The following SLC35F4 variants were observed in gnomAD, a reference collection of about 807,000 sequenced individuals.
The protein encoded by SLC35F4 is chromosome 14 open reading frame 36.
SLC35F4 carries 24 observed loss-of-function variants against 44.2 expected under a neutral mutation model. The observed-to-expected ratio is 0.54, with a 90% CI of 0.39 to 0.76. The LOEUF (loss-of-function observed/expected upper bound fraction) is 0.76, where lower values mean the gene tolerates loss of function less well. Among genes scored for constraint, SLC35F4 ranks in the 30% least tolerant of loss-of-function variants. The pLI, the probability that SLC35F4 is intolerant of heterozygous loss-of-function variation, is 0.00. For synonymous variants in SLC35F4, 238 were observed against 223.6 expected, an observed-to-expected ratio of 1.06 and a Z score of -0.57; for missense variants, 562 against 586.1, an observed-to-expected ratio of 0.96 and a Z score of 0.42.
chr14:57,889,348 T>C (rs1849902157), intron 1 of SLC35F4, among the ~76,000 whole-genome samples: 2 of 152,206 alleles, frequency 1.3e-5, no homozygotes, highest in Non-Finnish European at 2.9e-5. Flanking sequence ...TTATTCTAAC[T>C]GGGGTGGACA....
intron 1 of SLC35F4, among the ~76,000 whole-genome samples, chr14:57,944,687 AAAG>A (rs1331020036): frequency 6.2e-5 from 8 of 129,404 alleles, no homozygotes; most frequent in African/African-American, 9.8e-5. Context: ...AAAAGAAAAG[AAAG>A]AAAGAAAAGA....
chr14:57,740,179 C>T (rs2076569690), intron 1 of SLC35F4, among the ~76,000 whole-genome samples: 1 of 152,042 alleles, frequency 6.6e-6, no homozygotes, highest in African/African-American at 2.4e-5. Flanking sequence ...ACAATGATAA[C>T]CTGGCTCTTG....
At chr14:57,824,748 T>C (rs959699009) in intron 1 of SLC35F4, among the ~76,000 whole-genome samples, 3 of 152,158 alleles carry the variant, frequency 2.0e-5, no homozygotes, top group African/African-American at 4.8e-5. Context: ...ACAAGGTCAA[T>C]ATGTCTGGAG....
intron 1 of SLC35F4, among the ~76,000 whole-genome samples, chr14:57,720,808 A>C (rs1225982320): frequency 6.6e-6 from 1 of 151,872 alleles, no homozygotes; most frequent in Admixed American, 6.6e-5. Flanking sequence ...TGAAAAGACT[A>C]GACTAGTCTA....
At chr14:57,805,466 G>T (rs953773596) in intron 1 of SLC35F4, among the ~76,000 whole-genome samples, 12 of 152,172 alleles carry the variant, frequency 7.9e-5, no homozygotes, top group African/African-American at 2.9e-4. Context: ...CATGTCCTTT[G>T]CTGGGACATG....
chr14:57,615,356 C>CTTTCTTT (rs1555361289), intron 1 of SLC35F4, among the ~76,000 whole-genome samples: 17 of 21,024 alleles, frequency 8.1e-4, no homozygotes, highest in Non-Finnish European at 2.3e-3. Flanking sequence ...AAACATTTTC[C>CTTTCTTT]TTTTTTTTTT....
chr14:57,741,066 A>G (rs2076594251), intron 1 of SLC35F4, among the ~76,000 whole-genome samples: 3 of 152,234 alleles, frequency 2.0e-5, no homozygotes, highest in South Asian at 4.1e-4. Context: ...CAAACACTCC[A>G]AAACCCCATC....
At chr14:57,947,272 T>G (rs1343049601) in intron 1 of SLC35F4, among the ~76,000 whole-genome samples, 1 of 151,496 alleles carries the variant, frequency 6.6e-6, no homozygotes, top group Admixed American at 6.6e-5. Context: ...TTTGGTTTGT[T>G]TGTTTGTTTG....
chr14:57,938,458 G>A (rs770479466), intron 1 of SLC35F4, among the ~76,000 whole-genome samples: 55 of 152,152 alleles, frequency 3.6e-4, no homozygotes, highest in Non-Finnish European at 6.0e-4. Flanking sequence ...TCAGCACTTC[G>A]TTAACTTTCC....
intron 1 of SLC35F4, among the ~76,000 whole-genome samples, chr14:57,716,017 ACAG>A (rs981702223): frequency 6.6e-6 from 1 of 152,184 alleles, no homozygotes; most frequent in African/African-American, 2.4e-5. Flanking sequence ...TGGTGATCAG[ACAG>A]CAGTCAGAAG....
At chr14:57,596,393 G>T in intron 1 of SLC35F4, 1 of 251,826 alleles carries the variant, frequency 4.0e-6, no homozygotes, top group Non-Finnish European at 7.8e-6. Flanking sequence ...TTTCTAATTG[G>T]ACAATTCAAG....
chr14:57,798,341 A>G (rs1335166551), intron 1 of SLC35F4, among the ~76,000 whole-genome samples: 2 of 152,086 alleles, frequency 1.3e-5, no homozygotes, highest in East Asian at 3.9e-4. Flanking sequence ...GTGTGTAAAA[A>G]TGACAGTGAA....
At chr14:57,891,978 C>T (rs1292023882) in intron 1 of SLC35F4, among the ~76,000 whole-genome samples, 1 of 152,170 alleles carries the variant, frequency 6.6e-6, no homozygotes, top group African/African-American at 2.4e-5. Context: ...TATTATTTCT[C>T]ATACATATTG....
chr14:57,799,954 T>C (rs1027080950), intron 1 of SLC35F4, among the ~76,000 whole-genome samples: 7 of 152,124 alleles, frequency 4.6e-5, no homozygotes, highest in Non-Finnish European at 7.4e-5. Flanking sequence ...AGAATACAAA[T>C]AGTCCAGACA....
In SLC35F4 at chr14:57,767,551, G is replaced by C. The variant is rs145414889; in HGVS notation, c.103+98172C>G. ...TAGGATACAGTTAAAGCAGTGTCAA[G>C]AGATAAATTTATTGTACTAAAATGC... On this transcript the variant is annotated intron_variant, in intron 1 of 7. Coordinates refer to ENST00000556826, the MANE Select transcript of SLC35F4 (RefSeq NM_001306087.2). 1.5e-4 allele frequency among the ~76,000 whole-genome samples: 23 copies of C among 152,138 alleles called. No individual in the cohort carries two copies. In the East Asian group the frequency reaches 4.1e-3, roughly 27 times the overall value.
chr14:57,800,646 G>A (rs2078169492), intron 1 of SLC35F4, among the ~76,000 whole-genome samples: 1 of 152,082 alleles, frequency 6.6e-6, no homozygotes, highest in Non-Finnish European at 1.5e-5. Context: ...CTGATAGCCA[G>A]AATAACCAGT....
intron 1 of SLC35F4, among the ~76,000 whole-genome samples, chr14:57,771,748 C>T (rs1237488203): frequency 6.6e-6 from 1 of 152,140 alleles, no homozygotes; most frequent in Non-Finnish European, 1.5e-5. Flanking sequence ...CATTTGCCAC[C>T]ACACTAACTT....
chr14:57,706,325 G>A (rs1289271148), intron 1 of SLC35F4, among the ~76,000 whole-genome samples: 2 of 152,160 alleles, frequency 1.3e-5, no homozygotes, highest in Non-Finnish European at 2.9e-5. Flanking sequence ...TTGCCAATGG[G>A]ACATCAAGAA....
At chr14:57,648,740 G>C (rs957112239) in intron 1 of SLC35F4, among the ~76,000 whole-genome samples, 17 of 152,128 alleles carry the variant, frequency 1.1e-4, no homozygotes, top group African/African-American at 4.1e-4. Flanking sequence ...TAAAATCTAA[G>C]CTTTATGCAA....
Sources: allele counts gnomAD v4.1 joint callset (sites outside exome capture counted in the v4.1 genomes callset), GRCh38; gene constraint gnomAD v4.1.1; transcripts MANE v1.5; gene names NCBI Gene and HGNC (gene_info 2026-07-23, HGNC 2026-07-21).